The following PRCP variants were observed in gnomAD, a reference collection of about 807,000 sequenced individuals.
PRCP encodes the protein lysosomal Pro-X carboxypeptidase.
A neutral mutation model predicts 54.2 loss-of-function variants in PRCP; 46 were observed. The ratio of observed to expected loss-of-function variants is 0.85; its 90% CI spans 0.67 to 1.09. The LOEUF (loss-of-function observed/expected upper bound fraction) is 1.09, where lower values mean the gene tolerates loss of function less well. Ranked by LOEUF, PRCP falls within the 50% of genes least tolerant of loss-of-function variation. PRCP has a pLI of 0.00. For missense variants in PRCP, 613 were observed against 596.8 expected (o/e 1.03, Z -0.28); for synonymous variants, 240 against 212.2 (o/e 1.13, Z -1.14).
At chr11:82,881,884 C>T (rs1232465415) in intron 1 of PRCP, among the ~76,000 whole-genome samples, 1 of 152,156 alleles carries the variant, frequency 6.6e-6, no homozygotes, top group African/African-American at 2.4e-5. Context: ...TGCCTATAAC[C>T]TTTGACTCCC....
At chr11:82,831,115 C>A (rs541765515) in intron 8 of PRCP, 4 of 151,546 alleles carry the variant, frequency 2.6e-5, no homozygotes, top group Non-Finnish European at 5.9e-5. Context: ...TAAAATTCCC[C>A]CAACAGGGAG....
intron 1 of PRCP, among the ~76,000 whole-genome samples, chr11:82,878,953 G>T (rs75040269): frequency 1.3e-5 from 2 of 152,090 alleles, no homozygotes; most frequent in Non-Finnish European, 2.9e-5. Flanking sequence ...TTTCTCTCCG[G>T]CTACCCTTAA....
chr11:82,892,192 C>T (rs142722792), intron 1 of PRCP, among the ~76,000 whole-genome samples: 2,829 of 152,136 alleles, frequency 0.019, 36 homozygotes, highest in Non-Finnish European at 0.027. Context: ...TTGAAAGAAA[C>T]AGATAAAAAA....
At chr11:82,882,188 A>ACTC (rs1859761709) in intron 1 of PRCP, among the ~76,000 whole-genome samples, 1 of 152,120 alleles carries the variant, frequency 6.6e-6, no homozygotes, top group Non-Finnish European at 1.5e-5. Flanking sequence ...GAAGAAGTGG[A>ACTC]GGAGGTGAAA....
chr11:82,891,525 C>G (rs1177732871), intron 1 of PRCP, among the ~76,000 whole-genome samples: 1 of 152,194 alleles, frequency 6.6e-6, no homozygotes, highest in African/African-American at 2.4e-5. Context: ...CGGCCAAATT[C>G]CTTACAATGG....
chr11:82,899,307 C>A (rs978862149), intron 1 of PRCP, among the ~76,000 whole-genome samples: 3 of 152,186 alleles, frequency 2.0e-5, no homozygotes, highest in African/African-American at 7.2e-5. Context: ...TCAACCATCA[C>A]CACAAACCCC....
rs370710905 is a variant in PRCP, at chr11:82,861,454, A to G, written c.169-1337T>C. ...TACTCGCTTGTCACAAGGGGAAAAC[A>G]TAACTACAATGGAAGGATCAGGCTG... On this transcript the variant is annotated intron_variant, in intron 1 of 8. Coordinates refer to ENST00000313010, the MANE Select transcript of PRCP (RefSeq NM_005040.4). 7.2e-5 allele frequency among the ~76,000 whole-genome samples: 11 copies of G among 152,354 alleles called. No homozygotes were observed. In the East Asian group the frequency reaches 2.1e-3, roughly 29 times the overall value.
rs1030180097 is a variant in PRCP at position 82,849,931 on chromosome 11, T to C, written c.734A>G (p.Asn245Ser). The change falls in exon 5 of 9, where the codon AAT becomes AGT. Residue 245 changes from asparagine to serine, a missense_variant. Coordinates refer to ENST00000313010, the MANE Select transcript of PRCP (RefSeq NM_005040.4). ...AAGCTTACCAGTATTTGAGAGTCGA[T>C]TAATGGCATCCCAGGACCTGTGGAT... ...ESIHRSWDAINRLSNTGSGLQ... is the reference protein window; with the variant it reads ...ESIHRSWDAISRLSNTGSGLQ... 6.6e-6 allele frequency: 10 copies of C among 1,512,430 alleles called. No individual in the cohort carries two copies. The highest frequency in any genetic ancestry group is 1.4e-5 in the African/African-American group (1 of 70,168). 93.7% of individuals were successfully genotyped at this position (1,512,430 alleles called of 1,614,324 possible). A position where few individuals can be genotyped will look rare whatever the true frequency, so the allele number is the denominator to read the frequency against.
intron 8 of PRCP, chr11:82,836,357 A>C (rs1159944662): frequency 2.0e-5 from 3 of 153,572 alleles, no homozygotes; most frequent in Non-Finnish European, 4.4e-5. Flanking sequence ...ATAAGGGGAA[A>C]GAATCCAGAC....
At chr11:82,886,060 C>T (rs554282481) in intron 1 of PRCP, among the ~76,000 whole-genome samples, 1 of 152,016 alleles carries the variant, frequency 6.6e-6, no homozygotes, top group East Asian at 1.9e-4. Flanking sequence ...TTTCATAGTC[C>T]CCTTCTGATG....
chr11:82,857,940 C>T (rs1859128797), intron 2 of PRCP, among the ~76,000 whole-genome samples: 1 of 152,114 alleles, frequency 6.6e-6, no homozygotes, highest in African/African-American at 2.4e-5. Flanking sequence ...AGGTATAGGT[C>T]CCTGGTACTG....
intron 6 of PRCP, among the ~76,000 whole-genome samples, chr11:82,841,058 A>ATATATATATATAAATAATATATATAT (rs1178732590): frequency 2.7e-5 from 4 of 149,704 alleles, no homozygotes; most frequent in African/African-American, 7.4e-5. Context: ...TATATAATAG[A>ATATATATATATAAATAATATATATAT]CTAGTCCTGA....
chr11:82,835,801 T>C (rs192549318), intron 8 of PRCP: 17 of 490,610 alleles, frequency 3.5e-5, no homozygotes, highest in African/African-American at 3.2e-4. Context: ...AGATTGAAAG[T>C]GATGTTCAAG....
chr11:82,874,489 G>A (rs1323970758), intron 1 of PRCP, among the ~76,000 whole-genome samples: 1 of 152,012 alleles, frequency 6.6e-6, no homozygotes, highest in Non-Finnish European at 1.5e-5. Flanking sequence ...CAAGGAGTTC[G>A]AGACCAGCCT....
At chr11:82,891,133 C>T (rs1349717546) in intron 1 of PRCP, among the ~76,000 whole-genome samples, 1 of 152,194 alleles carries the variant, frequency 6.6e-6, no homozygotes, top group Admixed American at 6.5e-5. Flanking sequence ...CTCCTTCCTT[C>T]CCCAAACCTA....
chr11:82,839,532 C>T, intron 6 of PRCP, 107 bp from the exon 7 acceptor site: 1 of 1,217,994 alleles, frequency 8.2e-7, no homozygotes, highest in Non-Finnish European at 1.1e-6. Context: ...ATAAAATATT[C>T]TTAAGCTACT....
chr11:82,858,062 G>A (rs1591053931), intron 2 of PRCP, among the ~76,000 whole-genome samples: 1 of 152,320 alleles, frequency 6.6e-6, no homozygotes, highest in Middle Eastern at 3.4e-3. Flanking sequence ...CAGGCTTTGA[G>A]AGGAGGCAAT....
At chr11:82,870,434 C>A (rs186538126) in intron 1 of PRCP, among the ~76,000 whole-genome samples, 65 of 152,252 alleles carry the variant, frequency 4.3e-4, no homozygotes, top group African/African-American at 1.5e-3. Flanking sequence ...GTCAATAGCA[C>A]CAACAGAAGG....
chr11:82,855,489 G>T (rs1259203648), intron 2 of PRCP, among the ~76,000 whole-genome samples: 1 of 151,968 alleles, frequency 6.6e-6, no homozygotes, highest in African/African-American at 2.4e-5. Flanking sequence ...CGTGGTGGCG[G>T]GCACCTGTAG....
Sources: allele counts gnomAD v4.1 joint callset (sites outside exome capture counted in the v4.1 genomes callset), GRCh38; gene constraint gnomAD v4.1.1; transcripts MANE v1.5; gene names NCBI Gene and HGNC (gene_info 2026-07-23, HGNC 2026-07-21).